The following DST variants were observed in gnomAD, a reference collection of about 807,000 sequenced individuals.
DST encodes bullous pemphigoid antigen.
Under a neutral mutation model 875.2 loss-of-function variants are expected in DST, and 253 were observed. The ratio of observed to expected loss-of-function variants is 0.29; its 90% CI spans 0.26 to 0.32. The LOEUF (loss-of-function observed/expected upper bound fraction) is 0.32. Among genes scored for constraint, DST ranks in the 10% least tolerant of loss-of-function variants. The pLI is 1.00. For missense variants in DST, 8,287 were observed against 9,111.6 expected (o/e 0.91, Z 3.68); for synonymous variants, 3,124 against 3,197.1 (o/e 0.98, Z 0.77).
Position 56,641,972 on chromosome 6 carries a change from A to G in DST, c.2002T>C (p.Tyr668His), listed in dbSNP as rs1386855558. 6.2e-7 allele frequency: 1 copy of G among 1,613,492 alleles called. No individual in the cohort carries two copies. ...DVQILIDGKYYQADQLVQRVA... is the reference protein window; with the variant it reads ...DVQILIDGKYHQADQLVQRVA... ...CTCTGTACCAATTGATCTGCCTGGTAGTATTTTCCATCAATAAGAATCTGT... is the reference window on the plus strand; with the variant it reads ...CTCTGTACCAATTGATCTGCCTGGTGGTATTTTCCATCAATAAGAATCTGT... The change falls in exon 17 of 104, where the codon TAC (tyrosine) becomes CAC (histidine). Residue 668 changes from tyrosine (Y) to histidine (H), a missense_variant. Transcript: ENST00000680361.
intron 4 of DST, among the ~76,000 whole-genome samples, chr6:56,789,788 C>A (rs1278225558): frequency 6.6e-6 from 1 of 152,162 alleles, no homozygotes; most frequent in Non-Finnish European, 1.5e-5. Context: ...AATTTCCTTC[C>A]TTTTTAAGGC....
chr6:56,536,648 C>T, intron 62 of DST, 131 bp downstream of exon 62: 1 of 922,850 alleles, frequency 1.1e-6, no homozygotes. Context: ...TTTGAGCCAT[C>T]CAGTTTACAG....
chr6:56,471,115 G>A lies in DST; in HGVS notation c.22312C>T (p.Leu7438Phe). ...ITRQEFIDGILSSKFPTSRLE... is the reference protein window; with the variant it reads ...ITRQEFIDGIFSSKFPTSRLE... ...CTGTCTTGGAACTTACTTGAGGAAA[G>A]AATTCCATCAATAAATTCCTGCCGC... is the stretch of plus-strand genomic sequence containing the variant. The change falls in exon 95 of 104, where the codon CTT becomes TTT. Residue 7438 changes from leucine (L) to phenylalanine (F), a missense_variant. Physicochemically the swap from Leu to Phe is conservative, Grantham distance 22. Coordinates refer to ENST00000680361, the MANE Select transcript of DST (RefSeq NM_001374736.1). 6.2e-7 allele frequency: 1 copy of A among 1,611,322 alleles called. No individual in the cohort carries two copies. The highest frequency in any genetic ancestry group is 8.5e-7 in the Non-Finnish European group (1 of 1,178,676).
chr6:56,932,215 T>C (rs1356960624), intron 2 of DST, among the ~76,000 whole-genome samples: 1 of 152,028 alleles, frequency 6.6e-6, no homozygotes, highest in Non-Finnish European at 1.5e-5. Flanking sequence ...GATCTGATGG[T>C]TTTATGGGGG....
At chr6:56,771,010 A>G (rs1051534141) in intron 4 of DST, among the ~76,000 whole-genome samples, 1 of 152,024 alleles carries the variant, frequency 6.6e-6, no homozygotes, top group Non-Finnish European at 1.5e-5. Context: ...AAAAAAAAAA[A>G]AAAAGAAAAA....
intron 10 of DST, among the ~76,000 whole-genome samples, chr6:56,654,268 T>C (rs1218426128): frequency 6.6e-6 from 1 of 152,150 alleles, no homozygotes; most frequent in African/African-American, 2.4e-5. Flanking sequence ...TACATTATAA[T>C]CTTTAAACAT....
At chr6:56,778,658 T>C (rs1047954872) in intron 4 of DST, among the ~76,000 whole-genome samples, 4 of 151,488 alleles carry the variant, frequency 2.6e-5, no homozygotes, top group Non-Finnish European at 5.9e-5. Context: ...CTTGAGATAG[T>C]TTACTGAGAA....
intron 9 of DST, among the ~76,000 whole-genome samples, chr6:56,677,509 G>A (rs1383231747): frequency 6.6e-6 from 1 of 152,066 alleles, no homozygotes; most frequent in East Asian, 1.9e-4. Flanking sequence ...TGTGAGACAG[G>A]GGTCTCTTTT....
intron 4 of DST, among the ~76,000 whole-genome samples, chr6:56,763,745 G>C (rs982307271): frequency 3.4e-5 from 5 of 148,986 alleles, no homozygotes; most frequent in Non-Finnish European, 5.9e-5. Flanking sequence ...GGGTGGGGGT[G>C]GGGGGGAGAA....
Position 56,608,066 on chromosome 6 carries a change from G to T in DST, c.6562C>A (p.Pro2188Thr), listed in dbSNP as rs756224340. The T allele has an allele frequency of 1.2e-6, 2 of 1,613,508 alleles. No individual in the cohort carries two copies. The highest frequency in any genetic ancestry group is 1.7e-6 in the Non-Finnish European group (2 of 1,179,676). ...TCTTCTGAGGTCTGAGTAGTGACAG[G>T]TTCTTCTCCATCAAAAACATCCTCT... ...QEEDVFDGEEPVTTQTSEETK... is the reference protein window; with the variant it reads ...QEEDVFDGEETVTTQTSEETK... Residue 2188 changes from proline to threonine, a missense_variant, in exon 40 of 104, where the codon CCT becomes ACT. Physicochemically the swap from Pro to Thr is conservative, Grantham distance 38. Coordinates refer to ENST00000680361, the MANE Select transcript of DST (RefSeq NM_001374736.1).
rs777973807 is a variant in DST, at chr6:56,669,218, A to G, written c.1214+1423T>C. The stretch of plus-strand genomic sequence containing the variant: ...ACTTTATAGTTTATATATAGTTTAT[A>G]ATTTAATGATGTCATAGCTTTAGAA... On this transcript the variant is annotated intron_variant, in intron 10 of 103. Transcript: ENST00000680361. Among the ~76,000 whole-genome samples, 23 of 151,802 alleles carry G rather than the reference A, an allele frequency of 1.5e-4. No homozygotes were observed. In the Middle Eastern group the frequency reaches 0.01, roughly 68 times the overall value.
chr6:56,579,342 G>T (rs994983662), intron 49 of DST, among the ~76,000 whole-genome samples: 1 of 152,052 alleles, frequency 6.6e-6, no homozygotes, highest in African/African-American at 2.4e-5. Context: ...AAATAAGCTC[G>T]CCCAAATCAG....
At chr6:56,653,672 C>T (rs954214976) in intron 10 of DST, among the ~76,000 whole-genome samples, 12 of 151,916 alleles carry the variant, frequency 7.9e-5, no homozygotes, top group Admixed American at 5.9e-4. Context: ...ACAACAAGAG[C>T]GAAACTCCAT....
chr6:56,869,189 G>A (rs1279127924), intron 3 of DST, among the ~76,000 whole-genome samples: 1 of 152,112 alleles, frequency 6.6e-6, no homozygotes, highest in Non-Finnish European at 1.5e-5. Flanking sequence ...CAAAAACAAG[G>A]CAAGGGTTTC....
intron 2 of DST, among the ~76,000 whole-genome samples, chr6:56,913,120 C>T (rs1245346087): frequency 6.6e-6 from 1 of 152,208 alleles, no homozygotes; most frequent in East Asian, 1.9e-4. Context: ...ATCTGAGTCC[C>T]ATTTATCTAA....
At chr6:56,719,291 T>A (rs2099406082) in intron 5 of DST, among the ~76,000 whole-genome samples, 1 of 152,198 alleles carries the variant, frequency 6.6e-6, no homozygotes. Context: ...GCTCCAAGAT[T>A]ATCAATAAAT....
At chr6:56,632,820 T>C (rs750513173) in intron 28 of DST, 34 bp downstream of exon 28, 12 of 1,592,108 alleles carry the variant, frequency 7.5e-6, no homozygotes, top group South Asian at 6.6e-5. Context: ...TAAACACCTA[T>C]GGGGAAAAAA....
intron 4 of DST, among the ~76,000 whole-genome samples, chr6:56,770,414 G>A (rs1387909270): frequency 6.6e-6 from 1 of 152,088 alleles, no homozygotes; most frequent in Non-Finnish European, 1.5e-5. Flanking sequence ...ATTTAGTTAA[G>A]CTGAAAATCA....
In DST at chr6:56,508,759, T is replaced by C. The variant is rs1237333159; in HGVS notation, c.19013-4A>G. ...TGGTCAAGCTTATCCTGAACAGCTA[T>C]GAAGCAAAACAATATCCACAAGGCG... is the stretch of plus-strand genomic sequence containing the variant. On this transcript the variant is annotated splice_region_variant and splice_polypyrimidine_tract_variant and intron_variant, in intron 74 of 103. Transcript: ENST00000680361. 2.5e-6 allele frequency: 4 copies of C among 1,606,162 alleles called. No individual in the cohort carries two copies. Among genetic ancestry groups the C allele is most frequent in the Non-Finnish European group, 3.4e-6 (4 of 1,174,420 alleles).
Sources: gnomAD v4.1 joint callset for allele counts (sites outside exome capture counted in the v4.1 genomes callset) on GRCh38, gnomAD v4.1.1 for gene constraint, MANE v1.5 for transcripts, NCBI Gene and HGNC (gene_info 2026-07-23, HGNC 2026-07-21) for gene names.